The following DBI variants were observed in gnomAD, a reference collection of about 807,000 sequenced individuals.
DBI encodes acyl-CoA-binding protein.
In DBI, 12 loss-of-function variants were observed where a neutral mutation model predicts 13.0. That is an observed-to-expected ratio of 0.92 (90% CI 0.59 to 1.49). The LOEUF is 1.49. Ranked by LOEUF, DBI falls within the 40% of genes most tolerant of loss-of-function variation. The pLI, the probability that DBI is intolerant of heterozygous loss-of-function variation, is 0.00. For synonymous variants in DBI, 37 were observed against 37.4 expected, an observed-to-expected ratio of 0.99 and a Z score of 0.04; for missense variants, 95 against 104.8, an observed-to-expected ratio of 0.91 and a Z score of 0.41.
rs1681258190 is a variant in DBI at position 119,368,508 on chromosome 2, A to G, written c.127+203A>G. On this transcript the variant is annotated intron_variant, in intron 2 of 3. Transcript: ENST00000355857. The stretch of plus-strand genomic sequence containing the variant: ...GTAACAGAATTCAAATCCTGGTTTT[A>G]GAAGGTCTTTACTGGTTATCACCAG... The G allele has an allele frequency of 2.8e-5, 16 of 561,798 alleles. No homozygotes were observed. In the South Asian group the frequency reaches 3.3e-4, roughly 12 times the overall value. 34.8% of individuals were successfully genotyped at this position (561,798 alleles called of 1,614,324 possible).
rs780417493 is a variant in DBI, at chr2:119,367,528, G to C, written c.9+468G>C. The C allele has an allele frequency of 1.4e-5, 23 of 1,605,846 alleles. No individual in the cohort carries two copies. In the African/African-American group the frequency reaches 3.1e-4, roughly 21 times the overall value. ...CGAGGAGAATCGCGGCCCGGGGAGA[G>C]GTGACCCAGGGGCCCCTCCCTTCTC... On this transcript the variant is annotated intron_variant, in intron 1 of 3. Coordinates refer to ENST00000355857, the MANE Select transcript of DBI (RefSeq NM_001079862.4).
At position 119,369,752 on chromosome 2, in the gene DBI, C is replaced by T. The variant is rs368871395; in HGVS notation, c.128-988C>T. 5.7e-4 allele frequency among the ~76,000 whole-genome samples: 86 copies of T among 152,188 alleles called. 1 individual carries two copies. Among genetic ancestry groups the T allele is most frequent in the African/African-American group, 2.0e-3 (83 of 41,534 alleles). On this transcript the variant is annotated intron_variant, in intron 2 of 3. Coordinates refer to ENST00000355857, the MANE Select transcript of DBI (RefSeq NM_001079862.4). ...GGTGAGCCGAGGTCGCACCACTGCACTCCAGCCTGGGCAACAGAACGAGAC... is the reference window on the plus strand; with the variant it reads ...GGTGAGCCGAGGTCGCACCACTGCATTCCAGCCTGGGCAACAGAACGAGAC...
Position 119,370,760 on chromosome 2 carries a change from T to C in DBI, c.148T>C (p.Phe50Leu). The C allele has an allele frequency of 6.2e-7, 1 of 1,614,150 alleles. No homozygotes were observed. The highest frequency in any genetic ancestry group is 2.2e-5 in the East Asian group (1 of 44,882). ...TTAAGAACGGCCCGGGATGTTGGAC[T>C]TCACGGGCAAGGCCAAGTGGGATGC... Reference protein sequence around the residue: ...INTERPGMLDFTGKAKWDAWN... With the variant: ...INTERPGMLDLTGKAKWDAWN... The change falls in exon 3 of 4, where the codon TTC becomes CTC. Residue 50 changes from phenylalanine to leucine, a missense_variant. Transcript: ENST00000355857.
In DBI at chr2:119,367,531, G is replaced by A. The variant is rs769218794; in HGVS notation, c.9+471G>A. The A allele has an allele frequency of 3.1e-6, 5 of 1,606,064 alleles. No individual in the cohort carries two copies. The Admixed American group carries it at 8.4e-5, about 27-fold the overall frequency. On this transcript the variant is annotated intron_variant, in intron 1 of 3. Transcript: ENST00000355857. ...GGAGAATCGCGGCCCGGGGAGAGGT[G>A]ACCCAGGGGCCCCTCCCTTCTCTCC... is the stretch of plus-strand genomic sequence containing the variant.
intron 1 of DBI, chr2:119,367,420 C>T (rs1681097808): frequency 6.6e-7 from 1 of 1,514,850 alleles, no homozygotes. Flanking sequence ...CAGGACGTCG[C>T]GGCGGAGTGG....
intron 1 of DBI, 121 bp downstream of exon 1, chr2:119,367,181 C>G: frequency 6.6e-7 from 1 of 1,513,790 alleles, no homozygotes; most frequent in Non-Finnish European, 8.8e-7. Flanking sequence ...GCTCATGGGC[C>G]CATGCCTAGC....
intron 1 of DBI, chr2:119,367,662 G>A (rs375116992): frequency 2.4e-5 from 39 of 1,613,600 alleles, no homozygotes; most frequent in Non-Finnish European, 3.2e-5. Flanking sequence ...TTGAACGCGC[G>A]GGCCCCAGGG....
chr2:119,369,347 G>T lies in DBI; in HGVS notation c.127+1042G>T, dbSNP rs13412777. On this transcript the variant is annotated intron_variant, in intron 2 of 3. Coordinates refer to ENST00000355857, the MANE Select transcript of DBI (RefSeq NM_001079862.4). Reference sequence around the variant, plus strand: ...TTTTCACATGAGTCTAGATAGACTGGCATAGGAATCTATCACTTACTGATC... The same window carrying T: ...TTTTCACATGAGTCTAGATAGACTGTCATAGGAATCTATCACTTACTGATC... Among the ~76,000 whole-genome samples the T allele has an allele frequency of 4.0e-3, 611 of 152,312 alleles. 2 individuals carry two copies. The highest frequency in any genetic ancestry group is 0.014 in the African/African-American group (573 of 41,558).
chr2:119,370,148 G>A (rs1681407211), intron 2 of DBI: 1 of 152,258 alleles, frequency 6.6e-6, no homozygotes, highest in South Asian at 2.1e-4. Context: ...ACAACAGGGA[G>A]ATGGTGAGTG....
chr2:119,368,070 G>T, intron 1 of DBI, 118 bp from the exon 2 acceptor site: 1 of 1,500,180 alleles, frequency 6.7e-7, no homozygotes, highest in Non-Finnish European at 9.3e-7. Flanking sequence ...TTGCCCGAAG[G>T]GTGCCACCTT....
chr2:119,369,294 T>C (rs1024255888), intron 2 of DBI, among the ~76,000 whole-genome samples: 2 of 152,308 alleles, frequency 1.3e-5, no homozygotes, highest in South Asian at 2.1e-4. Flanking sequence ...TCACAGAGAC[T>C]GGCCTGTGCC....
intron 2 of DBI, 113 bp downstream of exon 2, chr2:119,368,418 G>A: frequency 1.3e-6 from 1 of 761,618 alleles, no homozygotes; most frequent in Non-Finnish European, 2.3e-6. Context: ...TACTCTTCAG[G>A]TGGGGTATGG....
chr2:119,368,479 A>G (rs1003625390), intron 2 of DBI, 174 bp downstream of exon 2: 1 of 602,192 alleles, frequency 1.7e-6, no homozygotes, highest in Non-Finnish European at 3.0e-6. Context: ...CAGTGTCTCC[A>G]GTAGTAACAG....
intron 3 of DBI, among the ~76,000 whole-genome samples, chr2:119,371,224 A>C (rs994108763): frequency 6.6e-6 from 1 of 152,206 alleles, no homozygotes; most frequent in Non-Finnish European, 1.5e-5. Flanking sequence ...AAAGAAGGGA[A>C]TGAGCTAATG....
chr2:119,370,938 T>A (rs1410676818), intron 3 of DBI, 136 bp downstream of exon 3: 4 of 741,576 alleles, frequency 5.4e-6, no homozygotes, highest in Non-Finnish European at 8.6e-6. Context: ...TGTGCCAGAA[T>A]GGGAAAAAAC....
At chr2:119,367,244 T>C (rs931600852) in intron 1 of DBI, 184 bp downstream of exon 1, 4 of 1,438,544 alleles carry the variant, frequency 2.8e-6, no homozygotes, top group Non-Finnish European at 2.7e-6. Context: ...TGGGGATTTC[T>C]AAATCTGCTG....
At chr2:119,370,008 G>C (rs1681399294) in intron 2 of DBI, among the ~76,000 whole-genome samples, 1 of 152,150 alleles carries the variant, frequency 6.6e-6, no homozygotes, top group African/African-American at 2.4e-5. Flanking sequence ...CACAAGGGCA[G>C]TTTGTTTCAG....
intron 3 of DBI, among the ~76,000 whole-genome samples, chr2:119,371,164 C>G (rs1681490708): frequency 6.6e-6 from 1 of 152,132 alleles, no homozygotes; most frequent in African/African-American, 2.4e-5. Flanking sequence ...GCGGTGACCC[C>G]CTAACCCCAG....
chr2:119,367,903 CTG>C (rs1681175526), intron 1 of DBI: 3 of 1,614,246 alleles, frequency 1.9e-6, no homozygotes, highest in Non-Finnish European at 1.7e-6. Flanking sequence ...CTCTTCACTG[CTG>C]TATTTCCAGA....
Sources: gnomAD v4.1 joint callset for allele counts (sites outside exome capture counted in the v4.1 genomes callset) on GRCh38, gnomAD v4.1.1 for gene constraint, MANE v1.5 for transcripts, NCBI Gene and HGNC (gene_info 2026-07-23, HGNC 2026-07-21) for gene names.